Variants in MSR1 observed in about 807,000 individuals in gnomAD.
MSR1 encodes the protein macrophage scavenger receptor 1, also known as macrophage scavenger receptor types I and II.
Under a neutral mutation model 47.2 loss-of-function variants are expected in MSR1, and 53 were observed. The ratio of observed to expected loss-of-function variants is 1.12; its 90% CI spans 0.90 to 1.41. MSR1 has a LOEUF of 1.41. MSR1 is among the 40% of genes most tolerant of loss of function. MSR1 has a pLI of 0.00. For synonymous variants in MSR1, 239 were observed against 185.6 expected, an observed-to-expected ratio of 1.29 and a Z score of -2.34; for missense variants, 786 against 546.9, an observed-to-expected ratio of 1.44 and a Z score of -4.36.
In MSR1 at chr8:16,143,603, C is replaced by T. The variant is rs1800620708; in HGVS notation, c.988G>A (p.Gly330Arg). 2.5e-6 allele frequency: 4 copies of T among 1,612,042 alleles called. No individual in the cohort carries two copies. Among genetic ancestry groups the T allele is most frequent in the Non-Finnish European group, 3.4e-6 (4 of 1,178,806 alleles). Residue 330 changes from glycine to arginine, a missense_variant, in exon 8 of 10, where the codon GGA becomes AGA. Physicochemically the swap from Gly to Arg is moderately radical, Grantham distance 125. Coordinates refer to ENST00000262101, the MANE Select transcript of MSR1 (RefSeq NM_138715.3). ...PGYAGRPGNS[G>R]PKGQKGEKGS... is the part of the protein sequence containing the mutation. ...TTTTCCCCTTTCTGGCCTTTTGGTC[C>T]AGAATTTCCTTGAGAAAAGAAGAAA...
At chr8:16,135,010 G>C (rs920382935) in intron 8 of MSR1, among the ~76,000 whole-genome samples, 5 of 152,222 alleles carry the variant, frequency 3.3e-5, no homozygotes, top group African/African-American at 9.6e-5. Flanking sequence ...TGGTTCATAA[G>C]GTTTAAGGAA....
chr8:16,120,853 T>A, intron 8 of MSR1: 3 of 532,080 alleles, frequency 5.6e-6, no homozygotes, highest in East Asian at 3.3e-5. Context: ...GTAAGTTATA[T>A]ATACGAGGAC....
At chr8:16,169,495 T>G (rs1364826015) in intron 3 of MSR1, among the ~76,000 whole-genome samples, 1 of 152,158 alleles carries the variant, frequency 6.6e-6, no homozygotes, top group Non-Finnish European at 1.5e-5. Context: ...ACGATTCTCA[T>G]AAGACTCCTT....
intron 4 of MSR1, among the ~76,000 whole-genome samples, chr8:16,167,946 A>G (rs1045156667): frequency 1.3e-5 from 2 of 152,200 alleles, no homozygotes; most frequent in Non-Finnish European, 2.9e-5. Flanking sequence ...GAAACGGAAT[A>G]TCAACATGTT....
At chr8:16,162,786 C>T (rs1801197803) in intron 5 of MSR1, among the ~76,000 whole-genome samples, 1 of 151,788 alleles carries the variant, frequency 6.6e-6, no homozygotes, top group Admixed American at 6.6e-5. Flanking sequence ...GCAGGAGGGA[C>T]CTACATGTTC....
intron 1 of MSR1, among the ~76,000 whole-genome samples, chr8:16,185,581 G>A (rs1414175979): frequency 1.3e-5 from 2 of 151,966 alleles, no homozygotes; most frequent in Non-Finnish European, 2.9e-5. Context: ...TTTCTAGACC[G>A]CTCTCATCTA....
At chr8:16,114,363 T>C (rs1277269591) in intron 9 of MSR1, among the ~76,000 whole-genome samples, 1 of 152,194 alleles carries the variant, frequency 6.6e-6, no homozygotes, top group Non-Finnish European at 1.5e-5. Flanking sequence ...TGTTTCTCTT[T>C]TCAGGTTTGG....
intron 3 of MSR1, among the ~76,000 whole-genome samples, chr8:16,173,560 G>T (rs1801550676): frequency 6.6e-6 from 1 of 152,184 alleles, no homozygotes; most frequent in African/African-American, 2.4e-5. Context: ...TGGTTGTTAT[G>T]GTTGGATTTT....
chr8:16,125,995 G>T (rs1378708900), intron 8 of MSR1, among the ~76,000 whole-genome samples: 2 of 151,916 alleles, frequency 1.3e-5, no homozygotes, highest in Non-Finnish European at 2.9e-5. Context: ...CATTTCAAAG[G>T]TCCAAGTGGT....
chr8:16,128,878 G>A (rs11987369), intron 8 of MSR1, among the ~76,000 whole-genome samples: 14,268 of 151,270 alleles, frequency 0.094, 1,347 homozygotes, highest in African/African-American at 0.24. Flanking sequence ...GTTTTAATAC[G>A]TTAATAATAA....
intron 9 of MSR1, among the ~76,000 whole-genome samples, chr8:16,120,063 C>A (rs779908706): frequency 1.3e-5 from 2 of 151,744 alleles, no homozygotes; most frequent in Non-Finnish European, 2.9e-5. Context: ...TAGAGAATGC[C>A]TACATTTCAT....
intron 7 of MSR1, among the ~76,000 whole-genome samples, chr8:16,146,728 A>T (rs1800709373): frequency 6.6e-6 from 1 of 152,112 alleles, no homozygotes; most frequent in African/African-American, 2.4e-5. Flanking sequence ...TACTTCTGGA[A>T]CTACTTAAAG....
intron 5 of MSR1, among the ~76,000 whole-genome samples, chr8:16,156,739 C>T (rs1431968805): frequency 6.6e-6 from 1 of 151,594 alleles, no homozygotes; most frequent in Non-Finnish European, 1.5e-5. Flanking sequence ...ATGCAAACAA[C>T]ATGTTACAGG....
chr8:16,186,765 G>A (rs1420455812), intron 1 of MSR1, among the ~76,000 whole-genome samples: 1 of 144,744 alleles, frequency 6.9e-6, no homozygotes, highest in Non-Finnish European at 1.5e-5. Flanking sequence ...CTGAGTAGCT[G>A]GGTCTACGGG....
intron 5 of MSR1, among the ~76,000 whole-genome samples, chr8:16,158,474 C>T (rs1464476972): frequency 6.6e-6 from 1 of 151,944 alleles, no homozygotes; most frequent in Non-Finnish European, 1.5e-5. Context: ...TAACATAGCA[C>T]TAATAATATC....
In MSR1 at chr8:16,139,341, T is replaced by C. The variant is rs934938825; in HGVS notation, c.1033+4217A>G. 4.1e-6 allele frequency: 4 copies of C among 965,776 alleles called. No individual in the cohort carries two copies. In the African/African-American group the frequency reaches 7.0e-5, roughly 17 times the overall value. 59.8% of individuals were successfully genotyped at this position (965,776 alleles called of 1,614,324 possible). ...CTTACATCTTTAAAGGACTTTATGA[T>C]TTCACAGAGCATCTTCACACACACA... On this transcript the variant is annotated intron_variant, in intron 8 of 9. Coordinates refer to ENST00000262101, the MANE Select transcript of MSR1 (RefSeq NM_138715.3).
intron 8 of MSR1, among the ~76,000 whole-genome samples, chr8:16,132,986 T>C (rs1304650358): frequency 2.6e-5 from 4 of 152,164 alleles, no homozygotes; most frequent in Non-Finnish European, 5.9e-5. Context: ...TGAAGAGGTG[T>C]TGAATTTTAT....
intron 1 of MSR1, among the ~76,000 whole-genome samples, chr8:16,191,312 T>G (rs1350878105): frequency 6.6e-6 from 1 of 152,222 alleles, no homozygotes; most frequent in Non-Finnish European, 1.5e-5. Flanking sequence ...ATCTGAAATC[T>G]AGATTTGAGT....
intron 6 of MSR1, among the ~76,000 whole-genome samples, chr8:16,151,952 T>C (rs186627160): frequency 6.6e-6 from 1 of 152,206 alleles, no homozygotes; most frequent in East Asian, 1.9e-4. Flanking sequence ...ACCTGTAAAA[T>C]GGGTGTATTA....
Sources: gnomAD v4.1 joint callset for allele counts (sites outside exome capture counted in the v4.1 genomes callset) on GRCh38, gnomAD v4.1.1 for gene constraint, MANE v1.5 for transcripts, NCBI Gene and HGNC (gene_info 2026-07-23, HGNC 2026-07-21) for gene names.